KHDC4: variants seen among roughly 807,000 people sequenced by gnomAD.
KHDC4 encodes the protein KH homology domain-containing protein 4.
In KHDC4, 19 loss-of-function variants were observed where a neutral mutation model predicts 74.5. That is an observed-to-expected ratio of 0.26 (90% CI 0.18 to 0.37). KHDC4 has a LOEUF of 0.37. Among genes scored for constraint, KHDC4 ranks in the 10% least tolerant of loss-of-function variants. The pLI is 1.00. For missense variants in KHDC4, 632 were observed against 754.1 expected (o/e 0.84, Z 1.90); for synonymous variants, 253 against 266.1 (o/e 0.95, Z 0.48).
intron 10 of KHDC4, 55 bp downstream of exon 10, chr1:155,921,316 CTCTT>C: frequency 6.3e-7 from 1 of 1,578,582 alleles, no homozygotes; most frequent in East Asian, 2.3e-5. Context: ...ACTACTTCCC[CTCTT>C]TCCCCAGTTT....
At chr1:155,927,078 C>T in intron 5 of KHDC4, 26 bp downstream of exon 5, 1 of 1,610,386 alleles carries the variant, frequency 6.2e-7, no homozygotes, top group Non-Finnish European at 8.5e-7. Flanking sequence ...ACAAAAAGTG[C>T]TACGTGAGCC....
At chr1:155,921,957 G>A (rs371322909) in intron 8 of KHDC4, 39 bp from the exon 9 acceptor site, 34 of 1,341,822 alleles carry the variant, frequency 2.5e-5, no homozygotes, top group African/African-American at 1.9e-4. Context: ...TGGGACAGCC[G>A]AAGCTGTGCA....
At chr1:155,916,779 T>G in intron 11 of KHDC4, 42 bp from the exon 12 acceptor site, 4 of 1,336,006 alleles carry the variant, frequency 3.0e-6, no homozygotes, top group Non-Finnish European at 4.3e-6. Context: ...AATCTACAAC[T>G]GCCGTATTGA....
Position 155,933,771 on chromosome 1 carries a change from G to A in KHDC4, c.117C>T (p.Thr39=), listed in dbSNP as rs1189813064. The A allele has an allele frequency of 6.2e-7, 1 of 1,600,628 alleles. No homozygotes were observed. Among genetic ancestry groups the A allele is most frequent in the Admixed American group, 1.7e-5 (1 of 58,026 alleles). The change falls in exon 2 of 14, where the codon ACC becomes ACT. Residue 39 remains threonine, a synonymous_variant. Transcript: ENST00000368321. ...TGCCCCCAGGACTTCCCCCACTGCT[G>A]GTGACCTCCCCACCTGGGGCCGCTG... ...LPPAAPGGEV[T]SSGGSPGGTT...
rs982382338 is a variant in KHDC4, at chr1:155,913,412, A to C, written c.*709T>G. On this transcript the variant is annotated 3_prime_UTR_variant, in exon 14 of 14. Transcript: ENST00000368321. Reference sequence around the variant, plus strand: ...TGATGAGTTCTGACCAGTTTTAGTCAAGAAGTTTTCTCTGACCCAGCTGAA... The same window carrying C: ...TGATGAGTTCTGACCAGTTTTAGTCCAGAAGTTTTCTCTGACCCAGCTGAA... The C allele has an allele frequency of 1.3e-5, 2 of 152,410 alleles. No individual in the cohort carries two copies. The highest frequency in any genetic ancestry group is 1.3e-4 in the Admixed American group (2 of 15,272). 9.4% of individuals were successfully genotyped at this position (152,410 alleles called of 1,614,324 possible).
rs746704684 is a variant in KHDC4, at chr1:155,929,377, TA to T, written c.385-3del. The T allele has an allele frequency of 2.2e-5, 36 of 1,610,934 alleles. No homozygotes were observed. Among genetic ancestry groups the T allele is most frequent in the Non-Finnish European group, 3.1e-5 (36 of 1,178,592 alleles). Reference sequence around the variant, plus strand: ...TGCAGCCCCACTAAGTCGGCTGATCTAAAAAAGGAAATGTTCAATTAAAAAA... The same window carrying T: ...TGCAGCCCCACTAAGTCGGCTGATCTAAAAAGGAAATGTTCAATTAAAAAA... On this transcript the variant is annotated splice_region_variant and splice_polypyrimidine_tract_variant and intron_variant, in intron 3 of 13. Transcript: ENST00000368321.
chr1:155,918,754 G>T (rs763915822), intron 10 of KHDC4, among the ~76,000 whole-genome samples: 10 of 152,132 alleles, frequency 6.6e-5, no homozygotes, highest in African/African-American at 2.4e-4. Flanking sequence ...TGACTAAAAC[G>T]TTGTAAGGTG....
At position 155,913,068 on chromosome 1, in the gene KHDC4, A is replaced by T. The variant is rs1673663520; in HGVS notation, c.*1053T>A. On this transcript the variant is annotated 3_prime_UTR_variant, in exon 14 of 14. Coordinates refer to ENST00000368321, the MANE Select transcript of KHDC4 (RefSeq NM_014949.4). Reference sequence around the variant, plus strand: ...CAGAATATTTATAGATTTATTTATAATGAAATTATGGTCTAAATATTTACA... The same window carrying T: ...CAGAATATTTATAGATTTATTTATATTGAAATTATGGTCTAAATATTTACA... 2 of 152,662 alleles carry T rather than the reference A, an allele frequency of 1.3e-5. No individual in the cohort carries two copies. Among genetic ancestry groups the T allele is most frequent in the South Asian group, 4.1e-4 (2 of 4,838 alleles). The allele number at this position is 152,662 out of a possible 1,614,324, so 9.5% of individuals were successfully genotyped here.
chr1:155,924,704 G>A lies in KHDC4; in HGVS notation c.893+928C>T, dbSNP rs555756109. Among the ~76,000 whole-genome samples the A allele has an allele frequency of 4.4e-4, 67 of 151,360 alleles. No individual in the cohort carries two copies. The South Asian group carries it at 4.6e-3, about 10-fold the overall frequency. Reference sequence around the variant, plus strand: ...TTCTCCTACCTCAGCCTGCTGAATAGCTGGGATTATAGGTGCCTGCCACCA... The same window carrying A: ...TTCTCCTACCTCAGCCTGCTGAATAACTGGGATTATAGGTGCCTGCCACCA... On this transcript the variant is annotated intron_variant, in intron 7 of 13. Transcript: ENST00000368321.
chr1:155,927,546 T>G (rs1247344604), intron 4 of KHDC4, among the ~76,000 whole-genome samples: 1 of 152,192 alleles, frequency 6.6e-6, no homozygotes, highest in Non-Finnish European at 1.5e-5. Flanking sequence ...GGCTCATGTC[T>G]GTAATCCCAG....
At chr1:155,915,057 C>T (rs766411522) in intron 13 of KHDC4, 4 of 151,984 alleles carry the variant, frequency 2.6e-5, no homozygotes, top group Non-Finnish European at 4.4e-5. Flanking sequence ...CTCTCTCTCT[C>T]GGCACACGTT....
At chr1:155,915,679 G>C (rs886105071) in intron 13 of KHDC4, 194 bp downstream of exon 13, 2 of 503,104 alleles carry the variant, frequency 4.0e-6, no homozygotes, top group Non-Finnish European at 3.5e-6. Flanking sequence ...GCTAGTTTTT[G>C]TATTTTTAGT....
chr1:155,933,130 T>C (rs1393473065), intron 2 of KHDC4, among the ~76,000 whole-genome samples: 1 of 152,194 alleles, frequency 6.6e-6, no homozygotes, highest in African/African-American at 2.4e-5. Flanking sequence ...ACAAGGTATT[T>C]GGTCCATAAA....
At chr1:155,914,833 T>C (rs1673697854) in intron 13 of KHDC4, 1 of 153,476 alleles carries the variant, frequency 6.5e-6, no homozygotes, top group Non-Finnish European at 1.4e-5. Flanking sequence ...GTGGCTCAGC[T>C]CCCAATATAA....
In KHDC4 at chr1:155,923,691, C is replaced by A. The variant is rs1673918806; in HGVS notation, c.894-4G>T. The A allele has an allele frequency of 1.9e-6, 3 of 1,609,766 alleles. No homozygotes were observed. Among genetic ancestry groups the A allele is most frequent in the Non-Finnish European group, 2.6e-6 (3 of 1,176,432 alleles). ...CAGGCCTTCTGGTTTGGGGTGACTGCAAAGAAATAACCAGGAATTCAAAGG... is the reference window on the plus strand; with the variant it reads ...CAGGCCTTCTGGTTTGGGGTGACTGAAAAGAAATAACCAGGAATTCAAAGG... On this transcript the variant is annotated splice_polypyrimidine_tract_variant and splice_region_variant and intron_variant, in intron 7 of 13. Coordinates refer to ENST00000368321, the MANE Select transcript of KHDC4 (RefSeq NM_014949.4).
intron 2 of KHDC4, among the ~76,000 whole-genome samples, chr1:155,930,676 G>A (rs887513994): frequency 6.6e-6 from 1 of 152,102 alleles, no homozygotes; most frequent in Non-Finnish European, 1.5e-5. Context: ...CTCCATCCTT[G>A]TAAAGCTCTC....
At position 155,913,924 on chromosome 1, in the gene KHDC4, A is replaced by T; in HGVS notation, c.*197T>A. 2 of 568,994 alleles carry T rather than the reference A, an allele frequency of 3.5e-6. No individual in the cohort carries two copies. Among genetic ancestry groups the T allele is most frequent in the South Asian group, 4.6e-5 (2 of 43,912 alleles). 35.2% of individuals were successfully genotyped at this position (568,994 alleles called of 1,614,324 possible). On this transcript the variant is annotated 3_prime_UTR_variant, in exon 14 of 14. Coordinates refer to ENST00000368321, the MANE Select transcript of KHDC4 (RefSeq NM_014949.4). ...AATTTGTGATTCTAATTAAATTTTA[A>T]CAGATTCTATGCCACTGCAGAAATA... is the stretch of plus-strand genomic sequence containing the variant.
At position 155,921,544 on chromosome 1, in the gene KHDC4, A is replaced by G. The variant is rs1404957521; in HGVS notation, c.1097T>C (p.Val366Ala). The change falls in exon 10 of 14, where the codon GTT becomes GCT. Residue 366 changes from valine to alanine, a missense_variant. Coordinates refer to ENST00000368321, the MANE Select transcript of KHDC4 (RefSeq NM_014949.4). Reference protein sequence around the residue: ...PSNGYQSGYPVVPPPQQPVQP... With the variant: ...PSNGYQSGYPAVPPPQQPVQP... ...AACTGGCTGCTGAGGAGGGGGAACAACAGGGTAACCAGACTGATAGCCATT... is the reference window on the plus strand; with the variant it reads ...AACTGGCTGCTGAGGAGGGGGAACAGCAGGGTAACCAGACTGATAGCCATT... The G allele has an allele frequency of 6.2e-7, 1 of 1,614,146 alleles. No individual in the cohort carries two copies. Among genetic ancestry groups the G allele is most frequent in the Admixed American group, 1.7e-5 (1 of 60,012 alleles).
intron 12 of KHDC4, 30 bp from the exon 13 acceptor site, chr1:155,915,994 C>A (rs930435309): frequency 2.1e-6 from 3 of 1,415,758 alleles, no homozygotes; most frequent in Non-Finnish European, 2.9e-6. Context: ...AACTTTCTTT[C>A]AGACAATTTA....
Sources: allele counts gnomAD v4.1 joint callset (sites outside exome capture counted in the v4.1 genomes callset), GRCh38; gene constraint gnomAD v4.1.1; transcripts MANE v1.5; gene names NCBI Gene and HGNC (gene_info 2026-07-23, HGNC 2026-07-21).